The following SEPSECS variants were observed in gnomAD, a reference collection of about 807,000 sequenced individuals.
The protein encoded by SEPSECS is Sep (O-phosphoserine) tRNA:Sec (selenocysteine) tRNA synthase, also known as O-phosphoseryl-tRNA(Sec) selenium transferase.
A neutral mutation model predicts 52.1 loss-of-function variants in SEPSECS; 42 were observed. The ratio of observed to expected loss-of-function variants is 0.81; its 90% confidence interval spans 0.63 to 1.04. The LOEUF (loss-of-function observed/expected upper bound fraction) is 1.04. Ranked by LOEUF, SEPSECS falls within the 50% of genes least tolerant of loss-of-function variation. SEPSECS has a pLI of 0.00. For missense variants in SEPSECS, 590 were observed against 610.6 expected (o/e 0.97, Z 0.36); for synonymous variants, 216 against 211.4 (o/e 1.02, Z -0.19).
Position 25,151,952 on chromosome 4 carries a change from T to C in SEPSECS, c.804+8A>G, listed in dbSNP as rs935926792. 1 of 1,431,060 alleles carries C rather than the reference T, an allele frequency of 7.0e-7. No individual in the cohort carries two copies. Among genetic ancestry groups the C allele is most frequent in the East Asian group, 2.3e-5 (1 of 43,848 alleles). The allele number at this position is 1,431,060 out of a possible 1,614,324, so 88.6% of individuals were successfully genotyped here. A position where few individuals can be genotyped will look rare whatever the true frequency, so the allele number is the denominator to read the frequency against. Reference sequence around the variant, plus strand: ...CCTTGACATACATATCATTTTAAACTCTCTTACCTGCTGAATGAGATGCAT... The same window carrying C: ...CCTTGACATACATATCATTTTAAACCCTCTTACCTGCTGAATGAGATGCAT... On this transcript the variant is annotated splice_region_variant and intron_variant, in intron 6 of 10. Transcript: ENST00000382103.
At chr4:25,157,521 C>CATGAAAT (rs1712748091) in intron 2 of SEPSECS, among the ~76,000 whole-genome samples, 1 of 151,174 alleles carries the variant, frequency 6.6e-6, no homozygotes, top group South Asian at 2.1e-4. Context: ...AACTAGAATA[C>CATGAAAT]ATGAAATATT....
intron 6 of SEPSECS, among the ~76,000 whole-genome samples, chr4:25,149,233 T>TA: frequency 6.6e-6 from 1 of 151,842 alleles, no homozygotes; most frequent in Non-Finnish European, 1.5e-5. Flanking sequence ...AATTTTTTTT[T>TA]AAATTTTAGT....
intron 8 of SEPSECS, among the ~76,000 whole-genome samples, chr4:25,131,880 G>A (rs963167620): frequency 3.3e-5 from 5 of 152,190 alleles, no homozygotes; most frequent in Admixed American, 2.0e-4. Flanking sequence ...AAGCTAAACA[G>A]AATAATGATC....
At position 25,148,127 on chromosome 4, in the gene SEPSECS, T is replaced by C. The variant is rs562435150; in HGVS notation, c.805-2994A>G. On this transcript the variant is annotated intron_variant, in intron 6 of 10. Coordinates refer to ENST00000382103, the MANE Select transcript of SEPSECS (RefSeq NM_016955.4). ...CAGCACTTTGGGAGGCCAAGGCGGG[T>C]GGATCACGAGGTCAGGAGATTGAGA... 1.3e-4 allele frequency among the ~76,000 whole-genome samples: 20 copies of C among 151,912 alleles called. No individual in the cohort carries two copies. The East Asian group carries it at 3.3e-3, about 25-fold the overall frequency.
Position 25,125,145 on chromosome 4 carries a change from T to C in SEPSECS, c.1211+549A>G, listed in dbSNP as rs11733181. 0.011 allele frequency among the ~76,000 whole-genome samples: 1,724 copies of C among 152,248 alleles called. 72 individuals are homozygous for C. The East Asian group carries it at 0.12, about 10-fold the overall frequency. ...ATTTAATAGAAGCATGTAAAGTATT[T>C]ACAGCAAGATATTTCTTTTCAAGTC... On this transcript the variant is annotated intron_variant, in intron 10 of 10. Transcript: ENST00000382103.
intron 2 of SEPSECS, 28 bp downstream of exon 2, chr4:25,158,925 A>G (rs1712861817): frequency 1.2e-6 from 2 of 1,602,420 alleles, no homozygotes; most frequent in African/African-American, 1.3e-5. Flanking sequence ...TAAACGATGT[A>G]TCTCCTGTAC....
chr4:25,125,498 C>A (rs936562001), intron 10 of SEPSECS, 196 bp downstream of exon 10: 1 of 578,286 alleles, frequency 1.7e-6, no homozygotes, highest in Non-Finnish European at 3.1e-6. Context: ...CTTTTTGTGA[C>A]TATTTCAGGC....
At chr4:25,124,320 C>A in intron 10 of SEPSECS, 95 bp from the exon 11 acceptor site, 1 of 1,192,710 alleles carries the variant, frequency 8.4e-7, no homozygotes, top group Non-Finnish European at 1.2e-6. Flanking sequence ...GCCTTACATC[C>A]ACTTATTACG....
chr4:25,131,316 T>C (rs551293392), intron 8 of SEPSECS, among the ~76,000 whole-genome samples: 1 of 152,216 alleles, frequency 6.6e-6, no homozygotes, highest in South Asian at 2.1e-4. Context: ...AAAATAAAAA[T>C]GGAACCTCAC....
chr4:25,124,060 CT>C lies in SEPSECS; in HGVS notation c.1376del (p.Lys459ArgfsTer3). The C allele has an allele frequency of 6.2e-7, 1 of 1,613,804 alleles. No homozygotes were observed. Among genetic ancestry groups the C allele is most frequent in the Non-Finnish European group, 8.5e-7 (1 of 1,179,774 alleles). On this transcript the variant is annotated frameshift_variant, in exon 11 of 11. Transcript: ENST00000382103. LOFTEE classifies it low-confidence loss of function (END_TRUNC). ...CTTTACTTCGTTCTTTTCTTACTGC[CT>C]TTAAACACCTGTCAAGTCTCTTTAT... ...LFIKRLDRCL[K>X]AVRKERSKES...
rs563138495 is a variant in SEPSECS, at chr4:25,136,056, AAAT to A, written c.1027-8702_1027-8700del. Among the ~76,000 whole-genome samples, 508 of 152,298 alleles carry A rather than the reference AAAT, an allele frequency of 3.3e-3. 3 individuals are homozygous for A. The highest frequency in any genetic ancestry group is 5.2e-3 in the Non-Finnish European group (352 of 68,024). On this transcript the variant is annotated intron_variant, in intron 8 of 10. Transcript: ENST00000382103. Reference sequence around the variant, plus strand: ...TTAGGTATTGAAGGAACATATCTCAAAATAATAATAGCCATTTATGACAAACCC... The same window carrying A: ...TTAGGTATTGAAGGAACATATCTCAAAATAATAGCCATTTATGACAAACCC...
Position 25,120,964 on chromosome 4 carries a change from A to AT in SEPSECS, c.*2966dup, listed in dbSNP as rs1388123463. The AT allele has an allele frequency of 1.3e-5, 2 of 152,128 alleles. No individual in the cohort carries two copies. Among genetic ancestry groups the AT allele is most frequent in the African/African-American group, 4.8e-5 (2 of 41,434 alleles). 9.4% of individuals were successfully genotyped at this position (152,128 alleles called of 1,614,324 possible). A position where few individuals can be genotyped will look rare whatever the true frequency, so the allele number is the denominator to read the frequency against. The stretch of plus-strand genomic sequence containing the variant: ...AGCCCAGTCCTCAATAACAGTTCTT[A>AT]TTATGAGGTGGTTAAAGACACAGAA... On this transcript the variant is annotated 3_prime_UTR_variant, in exon 11 of 11. Coordinates refer to ENST00000382103, the MANE Select transcript of SEPSECS (RefSeq NM_016955.4).
At position 25,158,875 on chromosome 4, in the gene SEPSECS, A is replaced by C. The variant is rs1356107154; in HGVS notation, c.269+78T>G. 6 of 1,367,420 alleles carry C rather than the reference A, an allele frequency of 4.4e-6. No homozygotes were observed. The East Asian group carries it at 1.4e-4, about 31-fold the overall frequency. The allele number at this position is 1,367,420 out of a possible 1,614,324, so 84.7% of individuals were successfully genotyped here. A position where few individuals can be genotyped will look rare whatever the true frequency, so the allele number is the denominator to read the frequency against. On this transcript the variant is annotated intron_variant, in intron 2 of 10. Transcript: ENST00000382103. The stretch of plus-strand genomic sequence containing the variant: ...ACAAACTGACATTTGATAATCTAAT[A>C]AGATAAATACTGCTGCCATTATTTT...
At chr4:25,156,297 G>A (rs1248105395) in intron 3 of SEPSECS, 102 bp from the exon 4 acceptor site, 1 of 1,059,388 alleles carries the variant, frequency 9.4e-7, no homozygotes, top group African/African-American at 1.6e-5. Context: ...AAGAGTCGTA[G>A]CCCTAGGGCT....
At chr4:25,152,159 T>C (rs1334199998) in intron 5 of SEPSECS, 97 bp from the exon 6 acceptor site, 3 of 735,344 alleles carry the variant, frequency 4.1e-6, no homozygotes, top group South Asian at 1.6e-5. Flanking sequence ...TTATCCTTAA[T>C]GTACACCAAA....
At chr4:25,126,824 G>T (rs1728392422) in intron 9 of SEPSECS, among the ~76,000 whole-genome samples, 1 of 152,094 alleles carries the variant, frequency 6.6e-6, no homozygotes, top group Non-Finnish European at 1.5e-5. Flanking sequence ...TTGTTTATTT[G>T]TTTAGTTTAA....
rs746532111 is a variant in SEPSECS at position 25,157,007 on chromosome 4, T to C, written c.270-33A>G. ...AAAAATGGGCCAAAAACTGGACAAA[T>C]ACATTCAGCATTCCGAGTAATACAA... On this transcript the variant is annotated intron_variant, in intron 2 of 10. Transcript: ENST00000382103. 3.7e-6 allele frequency: 4 copies of C among 1,089,152 alleles called. No homozygotes were observed. In the South Asian group the frequency reaches 3.7e-5, roughly 10 times the overall value. 67.5% of individuals were successfully genotyped at this position (1,089,152 alleles called of 1,614,324 possible).
rs757901127 is a variant in SEPSECS at position 25,124,219 on chromosome 4, C to G, written c.1218G>C (p.Val406=). 1.7e-5 allele frequency: 27 copies of G among 1,612,986 alleles called. No homozygotes were observed. The highest frequency in any genetic ancestry group is 2.3e-5 in the Non-Finnish European group (27 of 1,179,526). ...TCACAGTTTGCATGGACCCAAGAGG[C>G]ACAACCCTGAAAGAAGAAAGATTTA... is the stretch of plus-strand genomic sequence containing the variant. The part of the protein sequence containing the change: ...FTRQVSGARV[V]PLGSMQTVSG... The change falls in exon 11 of 11, where the codon GTG becomes GTC. Residue 406 remains valine, a synonymous_variant. Transcript: ENST00000382103.
chr4:25,121,511 A>G lies in SEPSECS; in HGVS notation c.*2420T>C, dbSNP rs947276585. ...ATAACAAAGGCCAATTATGAGGCTTACCAATCAGTACTAGCGAATTATAAT... is the reference window on the plus strand; with the variant it reads ...ATAACAAAGGCCAATTATGAGGCTTGCCAATCAGTACTAGCGAATTATAAT... On this transcript the variant is annotated 3_prime_UTR_variant, in exon 11 of 11. Coordinates refer to ENST00000382103, the MANE Select transcript of SEPSECS (RefSeq NM_016955.4). 6.6e-6 allele frequency: 1 copy of G among 152,184 alleles called. No homozygotes were observed. Among genetic ancestry groups the G allele is most frequent in the African/African-American group, 2.4e-5 (1 of 41,456 alleles). The allele number at this position is 152,184 out of a possible 1,614,324, so 9.4% of individuals were successfully genotyped here.
Sources: allele counts gnomAD v4.1 joint callset (sites outside exome capture counted in the v4.1 genomes callset), GRCh38; gene constraint gnomAD v4.1.1; transcripts MANE v1.5; gene names NCBI Gene and HGNC (gene_info 2026-07-23, HGNC 2026-07-21).